SUGCT: variants seen among roughly 807,000 people sequenced by gnomAD.
SUGCT encodes the protein succinyl-CoA:glutarate CoA-transferase.
SUGCT carries 41 observed loss-of-function variants against 55.0 expected under a neutral mutation model. That is an observed-to-expected ratio of 0.74 (90% CI 0.58 to 0.97). The LOEUF is 0.97. SUGCT is among the 50% of genes least tolerant of loss of function. The probability of loss-of-function intolerance (pLI) is 0.00; values close to 1 mark genes in which losing one functional copy is unlikely to be tolerated. For synonymous variants in SUGCT, 187 were observed against 200.4 expected (o/e 0.93, Z 0.56); for missense variants, 568 against 547.8 (o/e 1.04, Z -0.37).
At chr7:41,022,558 G>A in the SUGCT span, among the ~76,000 whole-genome samples, 1 of 152,108 alleles carries the variant, frequency 6.6e-6, no homozygotes, top group Admixed American at 6.5e-5. Flanking sequence ...TTCTTCAAAA[G>A]CATTGACTTA....
chr7:40,460,556 C>G (rs976304993), intron 11 of SUGCT, among the ~76,000 whole-genome samples: 3 of 152,208 alleles, frequency 2.0e-5, no homozygotes, highest in African/African-American at 7.2e-5. Context: ...CTTGTGAGAA[C>G]CTTATCAGAA....
the SUGCT span, among the ~76,000 whole-genome samples, chr7:40,975,987 C>A: frequency 1.3e-5 from 2 of 152,182 alleles, no homozygotes; most frequent in African/African-American, 4.8e-5. Flanking sequence ...TCATCTAGTT[C>A]CAATCTAAAT....
In SUGCT at chr7:40,749,380, T is replaced by C. The variant is rs1422669719; in HGVS notation, c.1090-54T>C. 11 of 1,444,784 alleles carry C rather than the reference T, an allele frequency of 7.6e-6. No homozygotes were observed. In the African/African-American group the frequency reaches 8.4e-5, roughly 11 times the overall value. 89.5% of individuals were successfully genotyped at this position (1,444,784 alleles called of 1,614,324 possible). A position where few individuals can be genotyped will look rare whatever the true frequency, so the allele number is the denominator to read the frequency against. On this transcript the variant is annotated intron_variant, in intron 12 of 13. Coordinates refer to ENST00000335693, the MANE Select transcript of SUGCT (RefSeq NM_001193313.2). ...ATAGATGGCTGTCCATGCCTTGCAA[T>C]TGAAGATGGTTTTATTTTGTAAATT...
chr7:40,575,678 G>C (rs1396473105), intron 12 of SUGCT, among the ~76,000 whole-genome samples: 1 of 152,156 alleles, frequency 6.6e-6, no homozygotes. Context: ...GGGTGTGGTG[G>C]CTCATGCCTG....
At chr7:40,644,708 A>T (rs972752098) in intron 12 of SUGCT, among the ~76,000 whole-genome samples, 2 of 152,012 alleles carry the variant, frequency 1.3e-5, no homozygotes, top group African/African-American at 4.8e-5. Context: ...GCTATTAGGG[A>T]GTTTGGCAGC....
At chr7:40,290,796 A>G (rs1271765364) in intron 8 of SUGCT, among the ~76,000 whole-genome samples, 2 of 152,234 alleles carry the variant, frequency 1.3e-5, no homozygotes, top group Admixed American at 6.5e-5. Context: ...AATGAACTCA[A>G]ACAAATCTAC....
chr7:40,827,658 G>A (rs367834178), intron 13 of SUGCT, among the ~76,000 whole-genome samples: 2 of 152,058 alleles, frequency 1.3e-5, no homozygotes, highest in Admixed American at 6.5e-5. Flanking sequence ...CTGGAGCTTC[G>A]GGCCTGATCC....
At chr7:40,472,736 C>G (rs949181544) in intron 11 of SUGCT, among the ~76,000 whole-genome samples, 1 of 151,974 alleles carries the variant, frequency 6.6e-6, no homozygotes, top group Non-Finnish European at 1.5e-5. Context: ...AGCCTTTTGT[C>G]GTTGAGAGCC....
At chr7:40,870,282 A>T in the SUGCT span, among the ~76,000 whole-genome samples, 1 of 152,164 alleles carries the variant, frequency 6.6e-6, no homozygotes, top group Admixed American at 6.5e-5. Flanking sequence ...ATAGTCCAGC[A>T]TCTCAAGCTG....
At chr7:40,406,365 T>C (rs903020929) in intron 9 of SUGCT, among the ~76,000 whole-genome samples, 5 of 152,140 alleles carry the variant, frequency 3.3e-5, no homozygotes, top group Non-Finnish European at 7.3e-5. Flanking sequence ...ATTTCTAATG[T>C]TGTGGCTGAT....
At position 40,483,678 on chromosome 7, in the gene SUGCT, A is replaced by G. The variant is rs112197823; in HGVS notation, c.987-12606A>G. Among the ~76,000 whole-genome samples, 1,383 of 147,192 alleles carry G rather than the reference A, an allele frequency of 9.4e-3. 28 individuals carry two copies. The highest frequency in any genetic ancestry group is 0.033 in the African/African-American group (1,258 of 38,406). ...ACTAGTACAAAATTCCTGTAAGTCC[A>G]TAAGAAGACAGTTTCACTGAAAAAA... On this transcript the variant is annotated intron_variant, in intron 11 of 13. Coordinates refer to ENST00000335693, the MANE Select transcript of SUGCT (RefSeq NM_001193313.2).
chr7:40,366,333 C>T (rs1158317469), intron 9 of SUGCT, among the ~76,000 whole-genome samples: 1 of 152,168 alleles, frequency 6.6e-6, no homozygotes, highest in East Asian at 1.9e-4. Flanking sequence ...CTAGGCATTA[C>T]CATTCAGGAC....
chr7:40,211,172 C>T (rs1356933493), intron 6 of SUGCT, among the ~76,000 whole-genome samples: 3 of 151,538 alleles, frequency 2.0e-5, no homozygotes, highest in African/African-American at 7.3e-5. Flanking sequence ...TGGGGTTTCG[C>T]CATATTGCCC....
chr7:40,802,020 C>G (rs17714215), intron 13 of SUGCT, among the ~76,000 whole-genome samples: 2,070 of 151,464 alleles, frequency 0.014, 138 homozygotes, highest in East Asian at 0.096. Context: ...AAAACAAAAA[C>G]TATTTCCTAT....
chr7:40,156,058 T>C lies in SUGCT; in HGVS notation c.100+20938T>C, dbSNP rs1188264221. On this transcript the variant is annotated intron_variant, in intron 1 of 13. Transcript: ENST00000335693. ...TTTTAGTAGGGACGGGGTTTCACCA[T>C]GTTGGCCAGGCTGGTCTCGAACTCC... 2.6e-5 allele frequency among the ~76,000 whole-genome samples: 4 copies of C among 152,124 alleles called. No homozygotes were observed. The South Asian group carries it at 6.2e-4, about 24-fold the overall frequency.
At chr7:40,186,118 CCTTTCTTTCCTT>C (rs1323366263) in intron 3 of SUGCT, among the ~76,000 whole-genome samples, 6 of 147,316 alleles carry the variant, frequency 4.1e-5, no homozygotes, top group Non-Finnish European at 6.0e-5. Context: ...TTCCTTCCTT[CCTTTCTTTCCTT>C]CTTTCTTTCT....
intron 12 of SUGCT, among the ~76,000 whole-genome samples, chr7:40,533,996 A>T (rs1327182699): frequency 6.6e-6 from 1 of 152,198 alleles, no homozygotes; most frequent in East Asian, 1.9e-4. Flanking sequence ...GACATATGTG[A>T]CATTCGAAAG....
At chr7:40,748,301 G>A (rs1787835676) in intron 12 of SUGCT, among the ~76,000 whole-genome samples, 1 of 152,128 alleles carries the variant, frequency 6.6e-6, no homozygotes, top group Admixed American at 6.6e-5. Context: ...TTTATAAAAG[G>A]GGGTGGGTTA....
intron 9 of SUGCT, among the ~76,000 whole-genome samples, chr7:40,369,631 C>T (rs1226029678): frequency 6.6e-6 from 1 of 152,020 alleles, no homozygotes; most frequent in Non-Finnish European, 1.5e-5. Flanking sequence ...GACATCAGTC[C>T]CAATTATACC....
Sources: allele counts gnomAD v4.1 joint callset (sites outside exome capture counted in the v4.1 genomes callset), GRCh38; gene constraint gnomAD v4.1.1; transcripts MANE v1.5; gene names NCBI Gene and HGNC (gene_info 2026-07-23, HGNC 2026-07-21).